PKIB: variants seen among roughly 807,000 people sequenced by gnomAD.
PKIB encodes PKI-beta.
A neutral mutation model predicts 4.5 loss-of-function variants in PKIB; 2 were observed. The ratio of observed to expected loss-of-function variants is 0.44; its 90% CI spans 0.18 to 1.39. PKIB has a LOEUF of 1.39. Among genes scored for constraint, PKIB ranks in the 40% most tolerant of loss-of-function variants. The pLI is 0.27. For missense variants in PKIB, 94 were observed against 92.6 expected (o/e 1.02, Z -0.06); for synonymous variants, 38 against 36.0 (o/e 1.06, Z -0.20).
chr6:122,631,186 A>G (rs1227849923), intron 1 of PKIB, among the ~76,000 whole-genome samples: 1 of 152,334 alleles, frequency 6.6e-6, no homozygotes, highest in East Asian at 1.9e-4. Flanking sequence ...ATTTTCTATT[A>G]GTGTCCAGTA....
chr6:122,650,399 T>A (rs1163494570), intron 2 of PKIB, among the ~76,000 whole-genome samples: 1 of 152,194 alleles, frequency 6.6e-6, no homozygotes, highest in Non-Finnish European at 1.5e-5. Flanking sequence ...GATTTCTACT[T>A]GGCCTCACTC....
At chr6:122,596,194 T>C (rs904972137) in intron 3 of PKIB, among the ~76,000 whole-genome samples, 1 of 152,312 alleles carries the variant, frequency 6.6e-6, no homozygotes, top group East Asian at 1.9e-4. Context: ...CCTTCAGGGA[T>C]GTCCTAGAAA....
At chr6:122,601,389 A>G (rs1774359629) in intron 3 of PKIB, among the ~76,000 whole-genome samples, 1 of 152,198 alleles carries the variant, frequency 6.6e-6, no homozygotes, top group Admixed American at 6.5e-5. Flanking sequence ...GAGTTTGTAC[A>G]TGGCACAAAG....
chr6:122,645,341 T>A (rs1776268860), intron 2 of PKIB, among the ~76,000 whole-genome samples: 1 of 152,144 alleles, frequency 6.6e-6, no homozygotes. Context: ...TGGTCTCCAG[T>A]GTGAAAGAGG....
At chr6:122,564,184 T>C (rs1582701021) in intron 2 of PKIB, among the ~76,000 whole-genome samples, 2 of 152,112 alleles carry the variant, frequency 1.3e-5, no homozygotes, top group South Asian at 4.2e-4. Context: ...ACTCACAGTT[T>C]TTGGGGTATC....
chr6:122,690,251 T>TGTTACTATATAGTCCA (rs1778275536), intron 3 of PKIB, among the ~76,000 whole-genome samples: 1 of 152,054 alleles, frequency 6.6e-6, no homozygotes, highest in South Asian at 2.1e-4. Flanking sequence ...TCCATTTACA[T>TGTTACTATATAGTCCA]TCAATGTTAC....
chr6:122,520,675 C>CCCCA (rs1554217179), intron 2 of PKIB, among the ~76,000 whole-genome samples: 1 of 134,698 alleles, frequency 7.4e-6, no homozygotes, highest in Admixed American at 7.4e-5. Context: ...ACCCCCCCCC[C>CCCCA]ACCAAATTTA....
chr6:122,545,400 A>G (rs1421628487), intron 2 of PKIB, among the ~76,000 whole-genome samples: 1 of 151,876 alleles, frequency 6.6e-6, no homozygotes, highest in Non-Finnish European at 1.5e-5. Context: ...AGACAACCAA[A>G]TACTGCATGT....
intron 2 of PKIB, among the ~76,000 whole-genome samples, chr6:122,537,629 C>A (rs1041799457): frequency 5.9e-5 from 9 of 152,150 alleles, no homozygotes; most frequent in African/African-American, 2.2e-4. Flanking sequence ...AATAGTGCCA[C>A]AATAAACATA....
intron 2 of PKIB, among the ~76,000 whole-genome samples, chr6:122,641,857 C>T (rs1486235851): frequency 1.3e-5 from 2 of 152,166 alleles, no homozygotes; most frequent in African/African-American, 2.4e-5. Flanking sequence ...TCACACCTGG[C>T]TCATTTTTTA....
chr6:122,497,820 TAAG>T (rs1370312503), intron 2 of PKIB, among the ~76,000 whole-genome samples: 1 of 152,076 alleles, frequency 6.6e-6, no homozygotes, highest in Non-Finnish European at 1.5e-5. Context: ...AGAAAACTAA[TAAG>T]AAAGTCTGGG....
intron 2 of PKIB, among the ~76,000 whole-genome samples, chr6:122,528,736 A>G (rs542439456): frequency 6.6e-6 from 1 of 152,252 alleles, no homozygotes; most frequent in African/African-American, 2.4e-5. Flanking sequence ...TACAAAAAAT[A>G]AAATAACTAG....
At chr6:122,576,781 A>G (rs536704785) in intron 2 of PKIB, among the ~76,000 whole-genome samples, 1 of 149,422 alleles carries the variant, frequency 6.7e-6, no homozygotes, top group Admixed American at 6.7e-5. Flanking sequence ...ACTATTTAAC[A>G]TAGCACATCT....
chr6:122,718,158 T>G (rs541831537), intron 4 of PKIB, among the ~76,000 whole-genome samples, 195 bp downstream of exon 4: 29 of 152,344 alleles, frequency 1.9e-4, no homozygotes, highest in Admixed American at 1.3e-3. Flanking sequence ...TTTTTTCTTA[T>G]GCTGTGTATG....
chr6:122,596,948 T>C (rs1162838005), intron 3 of PKIB, among the ~76,000 whole-genome samples: 1 of 152,208 alleles, frequency 6.6e-6, no homozygotes, highest in Non-Finnish European at 1.5e-5. Flanking sequence ...AATGTGTTAC[T>C]TTCAAAATCC....
At chr6:122,527,423 T>C (rs1373357780) in intron 2 of PKIB, among the ~76,000 whole-genome samples, 2 of 152,102 alleles carry the variant, frequency 1.3e-5, no homozygotes, top group East Asian at 1.9e-4. Context: ...TTTGTAGGTT[T>C]TGATTTCAAA....
intron 2 of PKIB, among the ~76,000 whole-genome samples, chr6:122,657,015 A>G (rs1776798924): frequency 6.6e-6 from 1 of 152,196 alleles, no homozygotes; most frequent in Non-Finnish European, 1.5e-5. Context: ...TTAGTCTTCA[A>G]TTAAAATAAA....
At chr6:122,655,520 G>C (rs1011711264) in intron 2 of PKIB, among the ~76,000 whole-genome samples, 2 of 152,120 alleles carry the variant, frequency 1.3e-5, no homozygotes, top group Non-Finnish European at 2.9e-5. Context: ...ATCTGCTGGT[G>C]CCTCCATCTT....
intron 3 of PKIB, among the ~76,000 whole-genome samples, chr6:122,713,993 C>T (rs1039347800): frequency 1.3e-5 from 2 of 152,156 alleles, no homozygotes; most frequent in Non-Finnish European, 2.9e-5. Flanking sequence ...CATTCCATAA[C>T]ATAATTACAT....
Sources: allele counts gnomAD v4.1 joint callset (sites outside exome capture counted in the v4.1 genomes callset), GRCh38; gene constraint gnomAD v4.1.1; transcripts MANE v1.5; gene names NCBI Gene and HGNC (gene_info 2026-07-23, HGNC 2026-07-21).